CNTN6: variants seen among roughly 807,000 people sequenced by gnomAD.
The protein encoded by CNTN6 is contactin 6.
CNTN6 carries 137 observed loss-of-function variants against 122.8 expected under a neutral mutation model. The ratio of observed to expected loss-of-function variants is 1.12; its 90% CI spans 0.97 to 1.29. The LOEUF is 1.29. CNTN6 is among the 50% of genes most tolerant of loss of function. The pLI is 0.00. For synonymous variants in CNTN6, 570 were observed against 426.0 expected (o/e 1.34, Z -4.16); for missense variants, 1,634 against 1,223.4 (o/e 1.34, Z -5.01).
At chr3:1,319,316 C>T (rs1218249159) in intron 7 of CNTN6, among the ~76,000 whole-genome samples, 2 of 151,610 alleles carry the variant, frequency 1.3e-5, no homozygotes, top group Admixed American at 1.3e-4. Context: ...TCAAGAAAAC[C>T]TGAAAATGAA....
intron 1 of CNTN6, among the ~76,000 whole-genome samples, chr3:1,102,283 A>T (rs150966523): frequency 6.6e-6 from 1 of 152,176 alleles, no homozygotes; most frequent in Non-Finnish European, 1.5e-5. Flanking sequence ...CAGGAGTGCA[A>T]TATACTTGCT....
chr3:1,331,432 G>C (rs1484833402), intron 11 of CNTN6, among the ~76,000 whole-genome samples: 2 of 151,962 alleles, frequency 1.3e-5, no homozygotes, highest in African/African-American at 4.8e-5. Flanking sequence ...ATAGGAACAG[G>C]TGCTTCAGAA....
chr3:1,317,513 C>G (rs1345371527), intron 7 of CNTN6, among the ~76,000 whole-genome samples: 1 of 151,756 alleles, frequency 6.6e-6, no homozygotes, highest in African/African-American at 2.4e-5. Flanking sequence ...ATCAAGCATG[C>G]CTTGAGTTAG....
At chr3:1,346,710 C>T (rs989501766) in intron 11 of CNTN6, among the ~76,000 whole-genome samples, 3 of 152,158 alleles carry the variant, frequency 2.0e-5, no homozygotes, top group East Asian at 1.9e-4. Context: ...TCTGATAGAG[C>T]AACACTAAAT....
chr3:1,383,420 T>A lies in CNTN6; in HGVS notation c.2517+12T>A, dbSNP rs374999366. On this transcript the variant is annotated intron_variant, in intron 19 of 22. Transcript: ENST00000446702. ...TGCTGGGCTATGAGGTAATCCACAT[T>A]AATTTCACTTTTGCTTATGAATGTG... The A allele has an allele frequency of 8.4e-5, 134 of 1,603,278 alleles. No individual in the cohort carries two copies. The highest frequency in any genetic ancestry group is 1.1e-4 in the Non-Finnish European group (130 of 1,170,456).
At chr3:1,152,660 A>G (rs921415865) in intron 2 of CNTN6, among the ~76,000 whole-genome samples, 15 of 152,164 alleles carry the variant, frequency 9.9e-5, no homozygotes, top group Non-Finnish European at 1.9e-4. Context: ...CATGGCTTTT[A>G]TGTACAATTT....
intron 5 of CNTN6, 85 bp downstream of exon 5, chr3:1,278,593 A>C: frequency 1.3e-6 from 1 of 781,216 alleles, no homozygotes; most frequent in Non-Finnish European, 2.1e-6. Flanking sequence ...CTCAGTGATC[A>C]CCTTTTATCA....
intron 7 of CNTN6, among the ~76,000 whole-genome samples, chr3:1,310,726 G>A (rs779729599): frequency 6.6e-6 from 1 of 152,176 alleles, no homozygotes; most frequent in Non-Finnish European, 1.5e-5. Flanking sequence ...TAGAGGCCAG[G>A]CGCAGTGGCT....
chr3:1,393,041 G>A (rs1694410917), intron 20 of CNTN6, among the ~76,000 whole-genome samples: 1 of 44,796 alleles, frequency 2.2e-5, no homozygotes, highest in African/African-American at 7.9e-5. Flanking sequence ...ATTTGACCCA[G>A]CCATCCCATT....
At chr3:1,213,485 T>G (rs942742808) in intron 2 of CNTN6, among the ~76,000 whole-genome samples, 5 of 152,056 alleles carry the variant, frequency 3.3e-5, no homozygotes, top group African/African-American at 1.2e-4. Context: ...AATCTGATGT[T>G]TCTTTAATAT....
At chr3:1,307,045 T>C (rs1159892871) in intron 7 of CNTN6, among the ~76,000 whole-genome samples, 2 of 152,180 alleles carry the variant, frequency 1.3e-5, no homozygotes, top group Admixed American at 6.6e-5. Flanking sequence ...TCAGGAGGGA[T>C]TCTCCAAAGG....
intron 2 of CNTN6, among the ~76,000 whole-genome samples, chr3:1,193,989 C>G (rs1376811977): frequency 6.6e-6 from 1 of 152,042 alleles, no homozygotes; most frequent in Non-Finnish European, 1.5e-5. Flanking sequence ...TTCCCCAAAG[C>G]ATGTGTTATC....
intron 12 of CNTN6, among the ~76,000 whole-genome samples, chr3:1,362,636 CAG>C (rs992978566): frequency 1.7e-4 from 26 of 151,898 alleles, no homozygotes; most frequent in East Asian, 7.7e-4. Context: ...ATGGGAAAGA[CAG>C]AAAGTATCAT....
At position 1,321,784 on chromosome 3, in the gene CNTN6, C is replaced by A. The variant is rs544819651; in HGVS notation, c.896C>A (p.Ala299Glu). 1 of 1,611,286 alleles carries A rather than the reference C, an allele frequency of 6.2e-7. No homozygotes were observed. The highest frequency in any genetic ancestry group is 1.1e-5 in the South Asian group (1 of 90,924). Residue 299 changes from alanine (A) to glutamate (E), a missense_variant, in exon 8 of 23, where the codon GCA becomes GAA. Coordinates refer to ENST00000446702, the MANE Select transcript of CNTN6 (RefSeq NM_001289080.2). ...QEDEGFYECI[A>E]SNLRGRNLAK... ...GATGAAGGCTTTTATGAGTGCATTG[C>A]AAGCAACCTTCGAGGAAGAAACCTT...
intron 4 of CNTN6, among the ~76,000 whole-genome samples, chr3:1,263,661 A>C (rs2094882904): frequency 6.6e-6 from 1 of 152,108 alleles, no homozygotes; most frequent in African/African-American, 2.4e-5. Flanking sequence ...CTCGCTTTAG[A>C]GGTATAATTA....
chr3:1,093,776 C>T (rs2090368418), intron 1 of CNTN6, among the ~76,000 whole-genome samples: 1 of 152,078 alleles, frequency 6.6e-6, no homozygotes, highest in Non-Finnish European at 1.5e-5. Flanking sequence ...TCTTATAATA[C>T]TTTATGAAAA....
intron 9 of CNTN6, 21 bp from the exon 10 acceptor site, chr3:1,327,436 A>C (rs1206782251): frequency 6.2e-7 from 1 of 1,606,868 alleles, no homozygotes; most frequent in East Asian, 2.2e-5. Context: ...AAGCATCTTT[A>C]TATGCCTTTT....
intron 4 of CNTN6, among the ~76,000 whole-genome samples, chr3:1,261,256 A>G (rs2094841749): frequency 6.6e-6 from 1 of 152,166 alleles, no homozygotes; most frequent in African/African-American, 2.4e-5. Context: ...GACATGGACT[A>G]TGTAGTGTAT....
chr3:1,337,044 G>T (rs745430670), intron 11 of CNTN6, among the ~76,000 whole-genome samples: 3 of 152,136 alleles, frequency 2.0e-5, no homozygotes, highest in Non-Finnish European at 4.4e-5. Flanking sequence ...TTTTCTTCAT[G>T]GGTAAAATGG....
Sources: gnomAD v4.1 joint callset for allele counts (sites outside exome capture counted in the v4.1 genomes callset) on GRCh38, gnomAD v4.1.1 for gene constraint, MANE v1.5 for transcripts, NCBI Gene and HGNC (gene_info 2026-07-23, HGNC 2026-07-21) for gene names.